The following TEX9 variants were observed in gnomAD, a reference collection of about 807,000 sequenced individuals.
The protein encoded by TEX9 is testis expressed 9.
TEX9 carries 74 observed loss-of-function variants against 59.6 expected under a neutral mutation model. That is an observed-to-expected ratio of 1.24 (90% CI 1.03 to 1.51). TEX9 has a LOEUF of 1.51. Ranked by LOEUF, TEX9 falls within the 40% of genes most tolerant of loss-of-function variation. The probability of loss-of-function intolerance (pLI) is 0.00; values close to 1 mark genes in which losing one functional copy is unlikely to be tolerated. For synonymous variants in TEX9, 186 were observed against 152.2 expected (o/e 1.22, Z -1.64); for missense variants, 522 against 447.8 (o/e 1.17, Z -1.49).
intron 9 of TEX9, among the ~76,000 whole-genome samples, chr15:56,403,522 G>C (rs2048908823): frequency 1.3e-5 from 2 of 152,226 alleles, no homozygotes; most frequent in African/African-American, 4.8e-5. Context: ...CTCATGGATA[G>C]GAAGAATCAA....
At chr15:56,343,722 A>C (rs77307243) in intron 1 of TEX9, among the ~76,000 whole-genome samples, 6,685 of 152,222 alleles carry the variant, frequency 0.044, 222 homozygotes, top group Admixed American at 0.086. Context: ...AAATTATTTT[A>C]AATCTTATGT....
chr15:56,388,341 G>T, intron 4 of TEX9, 131 bp from the exon 5 acceptor site: 2 of 644,214 alleles, frequency 3.1e-6, no homozygotes, highest in East Asian at 2.7e-5. Context: ...ATTAACATGT[G>T]GGTAACTAGA....
rs574688993 is a variant in TEX9 at position 56,433,271 on chromosome 15, C to A, written c.*29+4798C>A. Among the ~76,000 whole-genome samples the A allele has an allele frequency of 1.3e-4, 20 of 149,442 alleles. No homozygotes were observed. In the South Asian group the frequency reaches 4.3e-3, roughly 32 times the overall value. On this transcript the variant is annotated intron_variant, in intron 12 of 12. Transcript: ENST00000352903. ...AGGGCCTGTCGGGGGGTGGGGGGGA[C>A]AAGGGGAAGGGAGAGCATTAGGACA...
rs113575743 is a variant in TEX9 at position 56,292,821 on chromosome 15, G to A, written c.-107+48543G>A. Among the ~76,000 whole-genome samples the A allele has an allele frequency of 2.8e-3, 423 of 152,266 alleles. 1 individual carries two copies. The highest frequency in any genetic ancestry group is 4.9e-3 in the Non-Finnish European group (336 of 68,012). ...GCGGTACTAAGCCCCTTGCCTCAAG[G>A]TGGGTCAATTTTGAGGTGTAGTCAT... On this transcript the variant is annotated intron_variant, in intron 1 of 5. Transcript: ENST00000560827.
chr15:56,399,128 C>T (rs1160351028), intron 9 of TEX9, among the ~76,000 whole-genome samples: 4 of 152,164 alleles, frequency 2.6e-5, no homozygotes, highest in South Asian at 2.1e-4. Context: ...GTGCAGCCCA[C>T]GGAGGGTGAA....
intron 1 of TEX9, among the ~76,000 whole-genome samples, chr15:56,302,929 A>T (rs1282955677): frequency 6.6e-6 from 1 of 152,218 alleles, no homozygotes; most frequent in Non-Finnish European, 1.5e-5. Flanking sequence ...ATCAGACAAA[A>T]TCTACTTCAG....
chr15:56,350,269 T>C (rs2046552211), intron 1 of TEX9, among the ~76,000 whole-genome samples: 1 of 152,220 alleles, frequency 6.6e-6, no homozygotes, highest in Non-Finnish European at 1.5e-5. Flanking sequence ...TGATTCCCTG[T>C]TGGCAAGTGT....
At chr15:56,404,810 G>T (rs1464367463) in intron 9 of TEX9, among the ~76,000 whole-genome samples, 1 of 152,098 alleles carries the variant, frequency 6.6e-6, no homozygotes, top group South Asian at 2.1e-4. Context: ...CCATAAAAAA[G>T]GGTGAGTTTA....
exon 13 of TEX9, chr15:56,445,676 A>G (rs2050894773): frequency 6.6e-6 from 1 of 152,198 alleles, no homozygotes; most frequent in African/African-American, 2.4e-5. Flanking sequence ...TACAGATAAG[A>G]AAACTAAGGC....
intron 12 of TEX9, among the ~76,000 whole-genome samples, chr15:56,436,254 G>A (rs2050722432): frequency 2.0e-5 from 3 of 152,156 alleles, no homozygotes; most frequent in South Asian, 2.1e-4. Flanking sequence ...ATAACAAACT[G>A]TCTCTCAGAC....
At chr15:56,451,664 T>C in the TEX9 span, among the ~76,000 whole-genome samples, 3 of 152,220 alleles carry the variant, frequency 2.0e-5, no homozygotes, top group African/African-American at 7.2e-5. Context: ...CTCTGATTAA[T>C]GATGGTTTGA....
intron 1 of TEX9, among the ~76,000 whole-genome samples, chr15:56,315,321 C>T (rs12324034): frequency 0.35 from 49,170 of 138,806 alleles, 8,366 homozygotes; most frequent in Middle Eastern, 0.51. Context: ...GTGCTTCCTT[C>T]AGGAGCTCTT....
downstream of TEX9, chr15:56,446,907 T>C (rs774627850): frequency 1.2e-6 from 2 of 1,609,966 alleles, no homozygotes; most frequent in South Asian, 1.1e-5. Flanking sequence ...TCATGTAAGC[T>C]GCTTTTAATT....
intron 9 of TEX9, among the ~76,000 whole-genome samples, chr15:56,405,801 C>A (rs1203410160): frequency 6.6e-6 from 1 of 152,006 alleles, no homozygotes; most frequent in Non-Finnish European, 1.5e-5. Context: ...TTTTATAAAT[C>A]TGCAAAAGCC....
chr15:56,272,951 T>C, intron 1 of TEX9, among the ~76,000 whole-genome samples: 1 of 151,380 alleles, frequency 6.6e-6, no homozygotes, highest in East Asian at 1.9e-4. Context: ...TTTTTTGTTG[T>C]TGTTGTTGTT....
chr15:56,436,855 G>A (rs2050734937), intron 12 of TEX9, among the ~76,000 whole-genome samples: 1 of 152,158 alleles, frequency 6.6e-6, no homozygotes, highest in Admixed American at 6.6e-5. Context: ...AAATCTAGAA[G>A]AAATGGATAA....
upstream of TEX9, among the ~76,000 whole-genome samples, chr15:56,363,200 C>G (rs2046821922): frequency 6.6e-6 from 1 of 151,864 alleles, no homozygotes; most frequent in South Asian, 2.1e-4. Flanking sequence ...CACAATTTTC[C>G]CATTCCCACT....
At chr15:56,417,468 C>T (rs953968636) in intron 10 of TEX9, among the ~76,000 whole-genome samples, 9 of 151,716 alleles carry the variant, frequency 5.9e-5, no homozygotes, top group African/African-American at 1.5e-4. Context: ...CATTGAGGAG[C>T]GTGTTGTTTA....
chr15:56,314,070 ATCAAT>A (rs2045694656), intron 1 of TEX9, among the ~76,000 whole-genome samples: 1 of 23,358 alleles, frequency 4.3e-5, no homozygotes, highest in Admixed American at 7.5e-4. Context: ...CTAGCGGTCT[ATCAAT>A]TTTGTTGATC....
Sources: allele counts gnomAD v4.1 joint callset (sites outside exome capture counted in the v4.1 genomes callset), GRCh38; gene constraint gnomAD v4.1.1; transcripts MANE v1.5; gene names NCBI Gene and HGNC (gene_info 2026-07-23, HGNC 2026-07-21).